The following SLC41A2 variants were observed in gnomAD, a reference collection of about 807,000 sequenced individuals.
SLC41A2 encodes the protein solute carrier family 41 member 2, also known as SLC41A1-like 1.
In SLC41A2, 32 loss-of-function variants were observed where a neutral mutation model predicts 58.3. The ratio of observed to expected loss-of-function variants is 0.55; its 90% CI spans 0.41 to 0.74. SLC41A2 has a LOEUF of 0.74. SLC41A2 is among the 30% of genes least tolerant of loss of function. The pLI, the probability that SLC41A2 is intolerant of heterozygous loss-of-function variation, is 0.00. For synonymous variants in SLC41A2, 190 were observed against 235.0 expected (o/e 0.81, Z 1.75); for missense variants, 514 against 680.6 (o/e 0.76, Z 2.72).
Position 104,804,987 on chromosome 12 carries a change from C to A in SLC41A2, c.*165G>T, listed in dbSNP as rs1187612503. On this transcript the variant is annotated 3_prime_UTR_variant, in exon 11 of 11. Coordinates refer to ENST00000258538, the MANE Select transcript of SLC41A2 (RefSeq NM_001352171.3). The stretch of plus-strand genomic sequence containing the variant: ...CGAATACTCTTCATTCTGGTTTTGA[C>A]ACAAATTCCTTAAAAAAAAATTAAG... The A allele has an allele frequency of 1.8e-6, 1 of 558,212 alleles. No individual in the cohort carries two copies. Among genetic ancestry groups the A allele is most frequent in the African/African-American group, 1.9e-5 (1 of 52,664 alleles). The allele number at this position is 558,212 out of a possible 1,614,324, so 34.6% of individuals were successfully genotyped here. A position where few individuals can be genotyped will look rare whatever the true frequency, so the allele number is the denominator to read the frequency against.
At chr12:104,918,509 C>T (rs529649313) in intron 2 of SLC41A2, among the ~76,000 whole-genome samples, 11 of 148,274 alleles carry the variant, frequency 7.4e-5, no homozygotes, top group Non-Finnish European at 1.3e-4. Flanking sequence ...AGCTCTAAGA[C>T]AAATTAAGAA....
chr12:104,930,178 T>C (rs978668752), intron 1 of SLC41A2, among the ~76,000 whole-genome samples: 4 of 151,906 alleles, frequency 2.6e-5, no homozygotes, highest in African/African-American at 9.7e-5. Flanking sequence ...CATGTGATGA[T>C]TATGGTGCAG....
intron 1 of SLC41A2, among the ~76,000 whole-genome samples, chr12:104,953,648 T>C (rs1162668861): frequency 6.6e-6 from 1 of 152,182 alleles, no homozygotes; most frequent in African/African-American, 2.4e-5. Context: ...AACAGTTTCA[T>C]CTGGGTAGGT....
intron 3 of SLC41A2, among the ~76,000 whole-genome samples, chr12:104,898,002 G>A (rs1565883754): frequency 6.6e-6 from 1 of 152,122 alleles, no homozygotes; most frequent in Non-Finnish European, 1.5e-5. Flanking sequence ...TAGCTGACCT[G>A]ATGGTGCCCA....
At chr12:104,827,608 G>A (rs1402250313) in intron 10 of SLC41A2, among the ~76,000 whole-genome samples, 3 of 152,166 alleles carry the variant, frequency 2.0e-5, no homozygotes, top group South Asian at 4.2e-4. Flanking sequence ...TATAACACAC[G>A]TATAACCCAT....
chr12:104,881,963 G>C (rs1441132424), intron 6 of SLC41A2, among the ~76,000 whole-genome samples: 2 of 152,074 alleles, frequency 1.3e-5, no homozygotes, highest in African/African-American at 2.4e-5. Context: ...TCTCTTTGTA[G>C]GTCTCTCAGG....
intron 6 of SLC41A2, 70 bp downstream of exon 6, chr12:104,886,223 C>T: frequency 6.6e-7 from 1 of 1,504,708 alleles, no homozygotes; most frequent in African/African-American, 1.4e-5. Flanking sequence ...GGATTCATGG[C>T]ATTGCTGCAA....
chr12:104,905,652 T>C (rs1283824379), intron 3 of SLC41A2, among the ~76,000 whole-genome samples: 1 of 152,230 alleles, frequency 6.6e-6, no homozygotes, highest in Non-Finnish European at 1.5e-5. Flanking sequence ...TCCTGAGCCC[T>C]GCCCCGTGGG....
intron 6 of SLC41A2, among the ~76,000 whole-genome samples, chr12:104,883,895 AG>A (rs2044516779): frequency 6.6e-6 from 1 of 152,238 alleles, no homozygotes; most frequent in South Asian, 2.1e-4. Context: ...GGGACGTTTA[AG>A]TCCGCAGAAG....
At chr12:104,881,661 T>C (rs1419280493) in intron 6 of SLC41A2, among the ~76,000 whole-genome samples, 1 of 152,174 alleles carries the variant, frequency 6.6e-6, no homozygotes, top group Non-Finnish European at 1.5e-5. Context: ...TTCTAATGAT[T>C]GCACTGTGGT....
chr12:104,814,025 C>T (rs934947328), intron 10 of SLC41A2, among the ~76,000 whole-genome samples: 2 of 152,152 alleles, frequency 1.3e-5, no homozygotes, highest in African/African-American at 4.8e-5. Flanking sequence ...TTTCGTAAAA[C>T]TTTTAGCTAT....
chr12:104,904,927 G>T (rs192814996), intron 3 of SLC41A2, among the ~76,000 whole-genome samples: 1 of 152,266 alleles, frequency 6.6e-6, no homozygotes, highest in African/African-American at 2.4e-5. Flanking sequence ...CTGTGGAAGG[G>T]GACCCAAGCG....
chr12:104,819,538 T>C (rs971884998), intron 10 of SLC41A2, among the ~76,000 whole-genome samples: 3 of 152,192 alleles, frequency 2.0e-5, no homozygotes, highest in Non-Finnish European at 4.4e-5. Context: ...AAAGTCAAAG[T>C]TGATCCTCTG....
At position 104,889,228 on chromosome 12, in the gene SLC41A2, T is replaced by A. The variant is rs190636292; in HGVS notation, c.736-51A>T. On this transcript the variant is annotated intron_variant, in intron 4 of 10. Coordinates refer to ENST00000258538, the MANE Select transcript of SLC41A2 (RefSeq NM_001352171.3). ...TGAATTATTCACTTTAAAAACACAT[T>A]TAAACATTTTGATTATGTAAATATT... 1.8e-5 allele frequency: 27 copies of A among 1,532,268 alleles called. No homozygotes were observed. In the African/African-American group the frequency reaches 3.5e-4, roughly 20 times the overall value. 94.9% of individuals were successfully genotyped at this position (1,532,268 alleles called of 1,614,324 possible). A position where few individuals can be genotyped will look rare whatever the true frequency, so the allele number is the denominator to read the frequency against.
intron 1 of SLC41A2, among the ~76,000 whole-genome samples, chr12:104,933,813 T>A (rs1193112218): frequency 6.6e-6 from 1 of 151,998 alleles, no homozygotes; most frequent in African/African-American, 2.4e-5. Flanking sequence ...GTGACGTAAC[T>A]CAGGAATGGA....
chr12:104,889,274 G>C, intron 4 of SLC41A2, 97 bp from the exon 5 acceptor site: 1 of 1,224,224 alleles, frequency 8.2e-7, no homozygotes, highest in South Asian at 1.4e-5. Context: ...GTCAAAAAAA[G>C]TATTGCATGT....
At chr12:104,913,513 A>G (rs2046174542) in intron 2 of SLC41A2, among the ~76,000 whole-genome samples, 1 of 152,184 alleles carries the variant, frequency 6.6e-6, no homozygotes, top group Non-Finnish European at 1.5e-5. Context: ...CATGGGACTC[A>G]TGAAGGGGTA....
At chr12:104,901,276 T>G (rs1395367301) in intron 3 of SLC41A2, among the ~76,000 whole-genome samples, 1 of 152,060 alleles carries the variant, frequency 6.6e-6, no homozygotes. Flanking sequence ...AGCAGAAAAT[T>G]TTAGACCTCA....
intron 6 of SLC41A2, among the ~76,000 whole-genome samples, chr12:104,881,447 G>A (rs941415039): frequency 6.6e-6 from 1 of 152,026 alleles, no homozygotes; most frequent in Non-Finnish European, 1.5e-5. Context: ...TTCTCCTGTG[G>A]GCATTTAGTA....
Sources: gnomAD v4.1 joint callset for allele counts (sites outside exome capture counted in the v4.1 genomes callset) on GRCh38, gnomAD v4.1.1 for gene constraint, MANE v1.5 for transcripts, NCBI Gene and HGNC (gene_info 2026-07-23, HGNC 2026-07-21) for gene names.